The following OPTN variants were observed in gnomAD, a reference collection of about 807,000 sequenced individuals.
OPTN encodes optineurin.
OPTN carries 54 observed loss-of-function variants against 70.4 expected under a neutral mutation model. That is an observed-to-expected ratio of 0.77 (90% CI 0.62 to 0.96). The LOEUF is 0.96. Among genes scored for constraint, OPTN ranks in the 40% least tolerant of loss-of-function variants. The probability of loss-of-function intolerance (pLI) is 0.00; values close to 1 mark genes in which losing one functional copy is unlikely to be tolerated. For synonymous variants in OPTN, 256 were observed against 248.5 expected, an observed-to-expected ratio of 1.03 and a Z score of -0.28; for missense variants, 624 against 673.2, an observed-to-expected ratio of 0.93 and a Z score of 0.81.
chr10:13,111,318 T>G (rs1832989706), intron 4 of OPTN, among the ~76,000 whole-genome samples: 1 of 152,244 alleles, frequency 6.6e-6, no homozygotes, highest in Non-Finnish European at 1.5e-5. Flanking sequence ...AGGAAGGCTT[T>G]CTTTCTTGTC....
At chr10:13,122,711 T>A (rs1189814113) in intron 8 of OPTN, among the ~76,000 whole-genome samples, 1 of 152,216 alleles carries the variant, frequency 6.6e-6, no homozygotes, top group Admixed American at 6.5e-5. Context: ...GGAGTCTCAC[T>A]CTGTCGCCAG....
intron 3 of OPTN, 122 bp from the exon 4 acceptor site, chr10:13,110,152 A>G (rs954325019): frequency 6.5e-7 from 1 of 1,541,342 alleles, no homozygotes; most frequent in Non-Finnish European, 8.8e-7. Context: ...CCTTGGGCCA[A>G]GGCTAAGCAT....
At chr10:13,123,521 A>AATAT (rs954474893) in intron 8 of OPTN, among the ~76,000 whole-genome samples, 7 of 152,344 alleles carry the variant, frequency 4.6e-5, no homozygotes, top group Admixed American at 2.6e-4. Flanking sequence ...GTAGCAGGGA[A>AATAT]ATATGGTCTT....
rs982606365 is a variant in OPTN at position 13,137,617 on chromosome 10, T to C, written c.*751T>C. 8.6e-6 allele frequency: 2 copies of C among 231,510 alleles called. No homozygotes were observed. The highest frequency in any genetic ancestry group is 1.7e-5 in the Non-Finnish European group (2 of 117,104). The allele number at this position is 231,510 out of a possible 1,614,324, so 14.3% of individuals were successfully genotyped here. On this transcript the variant is annotated 3_prime_UTR_variant, in exon 15 of 15. Transcript: ENST00000378747. ...TTGAAGCATTTTTAAAAACGAATTG[T>C]AGTTGTTTTTCTTCATTTAAAATGG...
intron 11 of OPTN, among the ~76,000 whole-genome samples, chr10:13,126,401 C>T (rs1429195322): frequency 2.0e-5 from 3 of 151,160 alleles, no homozygotes; most frequent in Non-Finnish European, 4.4e-5. Flanking sequence ...CTGCCTCAGC[C>T]TCCCGAGTAG....
chr10:13,119,299 A>G (rs1045228515), intron 7 of OPTN, among the ~76,000 whole-genome samples: 1 of 152,224 alleles, frequency 6.6e-6, no homozygotes, highest in African/African-American at 2.4e-5. Flanking sequence ...TATAAATGGA[A>G]TTATACAGTC....
At position 13,136,974 on chromosome 10, in the gene OPTN, T is replaced by C; in HGVS notation, c.*108T>C. On this transcript the variant is annotated 3_prime_UTR_variant, in exon 15 of 15. Transcript: ENST00000378747. ...TCACTCAAATATTTTGCCTCATTATTCTTGTTTTAAAAGAAAGAAAACAGG... is the reference window on the plus strand; with the variant it reads ...TCACTCAAATATTTTGCCTCATTATCCTTGTTTTAAAAGAAAGAAAACAGG... The C allele has an allele frequency of 6.7e-7, 1 of 1,482,090 alleles. No individual in the cohort carries two copies. Among genetic ancestry groups the C allele is most frequent in the Non-Finnish European group, 9.3e-7 (1 of 1,070,010 alleles). The allele number at this position is 1,482,090 out of a possible 1,614,324, so 91.8% of individuals were successfully genotyped here.
intron 11 of OPTN, among the ~76,000 whole-genome samples, chr10:13,126,413 T>C (rs1833464666): frequency 6.6e-6 from 1 of 151,830 alleles, no homozygotes; most frequent in Admixed American, 6.6e-5. Flanking sequence ...CCCGAGTAGC[T>C]GGGACTACAG....
At chr10:13,108,714 T>C (rs993650373) in intron 2 of OPTN, among the ~76,000 whole-genome samples, 3 of 151,992 alleles carry the variant, frequency 2.0e-5, no homozygotes, top group African/African-American at 7.2e-5. Context: ...GCCCGGCTAA[T>C]TTTTTGTATT....
chr10:13,135,335 C>T lies in OPTN; in HGVS notation c.1613-1410C>T, dbSNP rs77088690. ...GAACATGCTCTGATTGAGGCTTGAA[C>T]CTCAGTACTACTCCAAAACTGGGGG... On this transcript the variant is annotated intron_variant, in intron 14 of 14. Transcript: ENST00000378747. Among the ~76,000 whole-genome samples the T allele has an allele frequency of 2.1e-4, 32 of 152,194 alleles. No homozygotes were observed. The East Asian group carries it at 5.4e-3, about 26-fold the overall frequency.
intron 1 of OPTN, among the ~76,000 whole-genome samples, chr10:13,105,418 A>T (rs1832844332): frequency 6.6e-6 from 1 of 152,248 alleles, no homozygotes; most frequent in African/African-American, 2.4e-5. Context: ...ACTAGAGGTC[A>T]TGTGACTTCC....
rs1167217019 is a variant in OPTN, at chr10:13,137,128, A to C, written c.*262A>C. The C allele has an allele frequency of 6.3e-6, 3 of 473,056 alleles. No individual in the cohort carries two copies. The highest frequency in any genetic ancestry group is 6.6e-5 in the Admixed American group (2 of 30,524). 29.3% of individuals were successfully genotyped at this position (473,056 alleles called of 1,614,324 possible). ...ACCCTGTCTCTACCAAAATTACAAAAATTAGCCGAGCATGGTGGCGCATGC... is the reference window on the plus strand; with the variant it reads ...ACCCTGTCTCTACCAAAATTACAAACATTAGCCGAGCATGGTGGCGCATGC... On this transcript the variant is annotated 3_prime_UTR_variant, in exon 15 of 15. Coordinates refer to ENST00000378747, the MANE Select transcript of OPTN (RefSeq NM_001008212.2).
intron 7 of OPTN, 40 bp from the exon 8 acceptor site, chr10:13,122,345 C>A: frequency 7.2e-7 from 1 of 1,388,372 alleles, no homozygotes; most frequent in South Asian, 1.2e-5. Context: ...CTCTTAAAGC[C>A]AAAGAGAAAG....
chr10:13,103,027 G>T (rs1003350217), intron 1 of OPTN, among the ~76,000 whole-genome samples: 2 of 152,092 alleles, frequency 1.3e-5, no homozygotes, highest in Non-Finnish European at 2.9e-5. Context: ...GGAAAAGGGG[G>T]CTGGGAAGAA....
chr10:13,104,283 A>G (rs1486272619), intron 1 of OPTN, among the ~76,000 whole-genome samples: 3 of 109,336 alleles, frequency 2.7e-5, no homozygotes, highest in Non-Finnish European at 5.2e-5. Flanking sequence ...TTTGTGAGAC[A>G]GGGTCTCACT....
At chr10:13,124,305 G>A (rs998762359) in intron 9 of OPTN, among the ~76,000 whole-genome samples, 195 bp downstream of exon 9, 4 of 152,132 alleles carry the variant, frequency 2.6e-5, no homozygotes, top group African/African-American at 9.7e-5. Flanking sequence ...GGGGGGTTGG[G>A]GACTGGAGAA....
chr10:13,133,698 A>C lies in OPTN; in HGVS notation c.1612+117A>C, dbSNP rs1833639462. ...TTCCAAATCAAGGCACCAAAAATAT[A>C]GCACCCGTCAGTCTCATTACCACAG... On this transcript the variant is annotated intron_variant, in intron 14 of 14. Coordinates refer to ENST00000378747, the MANE Select transcript of OPTN (RefSeq NM_001008212.2). 29 of 840,976 alleles carry C rather than the reference A, an allele frequency of 3.4e-5. No individual in the cohort carries two copies. The South Asian group carries it at 4.2e-4, about 12-fold the overall frequency. 52.1% of individuals were successfully genotyped at this position (840,976 alleles called of 1,614,324 possible). A position where few individuals can be genotyped will look rare whatever the true frequency, so the allele number is the denominator to read the frequency against.
intron 3 of OPTN, 106 bp downstream of exon 3, chr10:13,109,394 A>G (rs1832944263): frequency 8.6e-7 from 1 of 1,156,316 alleles, no homozygotes; most frequent in South Asian, 1.3e-5. Flanking sequence ...CCGTTTCCAT[A>G]GGTGGTAGCT....
At chr10:13,102,851 G>C (rs1832779763) in intron 1 of OPTN, among the ~76,000 whole-genome samples, 1 of 152,142 alleles carries the variant, frequency 6.6e-6, no homozygotes. Context: ...GCTGAGGTGG[G>C]AGAATTGCTT....
Sources: allele counts gnomAD v4.1 joint callset (sites outside exome capture counted in the v4.1 genomes callset), GRCh38; gene constraint gnomAD v4.1.1; transcripts MANE v1.5; gene names NCBI Gene and HGNC (gene_info 2026-07-23, HGNC 2026-07-21).